The following HGD variants were observed in gnomAD, a reference collection of about 807,000 sequenced individuals.
HGD encodes homogentisate 1,2-dioxygenase, also known as homogentisate oxidase.
Under a neutral mutation model 60.8 loss-of-function variants are expected in HGD, and 61 were observed. The observed-to-expected ratio is 1.00, with a 90% confidence interval of 0.82 to 1.24. The LOEUF (loss-of-function observed/expected upper bound fraction) is 1.24, where lower values mean the gene tolerates loss of function less well. HGD is among the 50% of genes most tolerant of loss of function. The probability of loss-of-function intolerance (pLI) is 0.00; values close to 1 mark genes in which losing one functional copy is unlikely to be tolerated. For synonymous variants in HGD, 212 were observed against 187.7 expected, an observed-to-expected ratio of 1.13 and a Z score of -1.06; for missense variants, 542 against 547.1, an observed-to-expected ratio of 0.99 and a Z score of 0.09.
intron 8 of HGD, among the ~76,000 whole-genome samples, 198 bp from the exon 9 acceptor site, chr3:120,646,564 A>T (rs925583378): frequency 6.6e-6 from 1 of 151,916 alleles, no homozygotes; most frequent in Admixed American, 6.6e-5. Flanking sequence ...AAAAAGAAAA[A>T]CTGAATTCCT....
chr3:120,653,525 G>GGCAGCCAGATGGGAAAGGAA (rs1941405105), intron 4 of HGD, among the ~76,000 whole-genome samples: 1 of 152,182 alleles, frequency 6.6e-6, no homozygotes, highest in Non-Finnish European at 1.5e-5. Context: ...ATTTCAGGGA[G>GGCAGCCAGATGGGAAAGGAA]GCAGCCAGAT....
At chr3:120,671,922 G>A (rs1211194530) in intron 3 of HGD, among the ~76,000 whole-genome samples, 1 of 151,818 alleles carries the variant, frequency 6.6e-6, no homozygotes, top group Non-Finnish European at 1.5e-5. Context: ...TCACTCATAA[G>A]TGGGAGCTGA....
Position 120,675,811 on chromosome 3 carries a change from C to A in HGD, c.68G>T (p.Gly23Val), listed in dbSNP as rs1467004951. Residue 23 changes from glycine (G) to valine (V), a missense_variant, in exon 2 of 14, where the codon GGT (glycine) becomes GTT (valine). Gly to Val is a moderately radical substitution (Grantham distance 109, BLOSUM62 -3). Around this residue, in one of 2 missense-constraint regions of HGD, gnomAD observed 537 missense variants for 529.1 expected, o/e 1.01. Coordinates refer to ENST00000283871, the MANE Select transcript of HGD (RefSeq NM_000187.4). ...TCATACCTGTCCTTCTGGCAGGGAA[C>A]CTGGGCAGCGAGGATCCTCTGAAGA... Reference protein sequence around the residue: ...ECSSEDPRCPGSLPEGQNNPQ... With the variant: ...ECSSEDPRCPVSLPEGQNNPQ... 6.2e-7 allele frequency: 1 copy of A among 1,613,598 alleles called. No homozygotes were observed. The highest frequency in any genetic ancestry group is 1.7e-5 in the Admixed American group (1 of 60,002).
chr3:120,678,807 G>T (rs1034093265), intron 1 of HGD, among the ~76,000 whole-genome samples: 1 of 152,148 alleles, frequency 6.6e-6, no homozygotes, highest in Non-Finnish European at 1.5e-5. Flanking sequence ...TGCCCCTCAC[G>T]GCCAAAGGCA....
chr3:120,681,954 A>G lies in HGD; in HGVS notation c.15+143T>C, dbSNP rs572525926. On this transcript the variant is annotated intron_variant, in intron 1 of 13. Transcript: ENST00000283871. The stretch of plus-strand genomic sequence containing the variant: ...TCTTCAGCTCCAGCTGTGCCCACAG[A>G]CACCACAGGGAAGCCTCTGAACACA... 2 of 783,788 alleles carry G rather than the reference A, an allele frequency of 2.6e-6. 1 individual carries two copies. Among genetic ancestry groups the G allele is most frequent in the South Asian group, 2.8e-5 (2 of 71,912 alleles). The allele number at this position is 783,788 out of a possible 1,614,324, so 48.6% of individuals were successfully genotyped here.
At chr3:120,659,868 A>G (rs1282604734) in intron 4 of HGD, among the ~76,000 whole-genome samples, 2 of 151,192 alleles carry the variant, frequency 1.3e-5, no homozygotes, top group African/African-American at 4.9e-5. Context: ...AGAGGCTCAG[A>G]AAGTTTTCAA....
chr3:120,679,501 C>A (rs1179905212), intron 1 of HGD, among the ~76,000 whole-genome samples: 1 of 152,104 alleles, frequency 6.6e-6, no homozygotes, highest in African/African-American at 2.4e-5. Flanking sequence ...TATGGCTTAA[C>A]CCCTGAAACC....
chr3:120,673,436 T>C (rs192775683), intron 3 of HGD, among the ~76,000 whole-genome samples: 93 of 152,256 alleles, frequency 6.1e-4, no homozygotes, highest in African/African-American at 2.1e-3. Context: ...AACATAGTCA[T>C]AGAGGACAGG....
At chr3:120,667,133 T>C (rs1227826035) in intron 4 of HGD, among the ~76,000 whole-genome samples, 1 of 151,778 alleles carries the variant, frequency 6.6e-6, no homozygotes. Context: ...GAGACCAGCC[T>C]GAGCAATATG....
intron 2 of HGD, 80 bp downstream of exon 2, chr3:120,675,712 G>T: frequency 1.9e-6 from 2 of 1,046,882 alleles, no homozygotes; most frequent in Non-Finnish European, 3.0e-6. Flanking sequence ...GAGCCACGGT[G>T]GGTGGAGGCA....
chr3:120,641,837 T>C, intron 10 of HGD, 144 bp from the exon 11 acceptor site: 1 of 692,756 alleles, frequency 1.4e-6, no homozygotes. Flanking sequence ...GGGAGAAGTA[T>C]AACCCTGAAT....
At chr3:120,667,044 G>T (rs1707914271) in intron 4 of HGD, among the ~76,000 whole-genome samples, 1 of 152,018 alleles carries the variant, frequency 6.6e-6, no homozygotes. Context: ...ACAAAGCTAA[G>T]CTGGGTGCAG....
chr3:120,676,351 G>A (rs1279707361), intron 1 of HGD, among the ~76,000 whole-genome samples: 1 of 152,160 alleles, frequency 6.6e-6, no homozygotes, highest in Non-Finnish European at 1.5e-5. Context: ...AAAGATATGG[G>A]TGGCCTTCAG....
intron 1 of HGD, chr3:120,677,899 C>T (rs1430106393): frequency 3.3e-5 from 5 of 152,168 alleles, no homozygotes; most frequent in Admixed American, 6.5e-5. Context: ...TAGAAAAGAA[C>T]CTACGTGAAT....
rs562981987 is a variant in HGD, at chr3:120,635,738, T to C, written c.1007-2410A>G. Among the ~76,000 whole-genome samples the C allele has an allele frequency of 4.6e-5, 7 of 152,244 alleles. No homozygotes were observed. In the East Asian group the frequency reaches 1.4e-3, roughly 29 times the overall value. ...AGATCTACCCTGGGGCCAAATTTAC[T>C]TTGAGAGTCATTAAAAAACTATAGG... On this transcript the variant is annotated intron_variant, in intron 12 of 13. Coordinates refer to ENST00000283871, the MANE Select transcript of HGD (RefSeq NM_000187.4).
At chr3:120,681,995 G>A in intron 1 of HGD, 102 bp downstream of exon 1, 8 of 1,048,004 alleles carry the variant, frequency 7.6e-6, no homozygotes, top group Non-Finnish European at 1.2e-5. Flanking sequence ...TTGAACCAGG[G>A]CCTCTCTAAG....
rs1491569082 is a variant in HGD, at chr3:120,630,825, T to TATAC, written c.1189-2297_1189-2296insGTAT. On this transcript the variant is annotated intron_variant, in intron 13 of 13. Transcript: ENST00000283871. ...ATATATATATATATATATATATATA[T>TATAC]ACACATACACACACACATACACACA... is the stretch of plus-strand genomic sequence containing the variant. Among the ~76,000 whole-genome samples the TATAC allele has an allele frequency of 4.3e-3, 452 of 104,098 alleles. 3 individuals are homozygous for TATAC. The highest frequency in any genetic ancestry group is 0.04 in the East Asian group (160 of 3,962). The allele number at this position is 104,098 out of a possible 152,430, so 68.3% of individuals were successfully genotyped here.
chr3:120,645,907 A>G (rs933972752), intron 9 of HGD, among the ~76,000 whole-genome samples: 1 of 152,168 alleles, frequency 6.6e-6, no homozygotes, highest in Admixed American at 6.5e-5. Context: ...TCAACTTTTC[A>G]TAAAGAATTA....
At chr3:120,662,948 T>C (rs1707812499) in intron 4 of HGD, among the ~76,000 whole-genome samples, 1 of 152,108 alleles carries the variant, frequency 6.6e-6, no homozygotes, top group Non-Finnish European at 1.5e-5. Flanking sequence ...GTTGTCCTTA[T>C]AAGAAGAGGA....
Sources: gnomAD v4.1 joint callset for allele counts (sites outside exome capture counted in the v4.1 genomes callset) on GRCh38, gnomAD v4.1.1 for gene constraint, gnomAD v4.1.1 regional missense constraint, MANE v1.5 for transcripts, NCBI Gene and HGNC (gene_info 2026-07-23, HGNC 2026-07-21) for gene names.